OXR1: variants seen among roughly 807,000 people sequenced by gnomAD.
The protein encoded by OXR1 is oxidation resistance protein 1.
In OXR1, 41 loss-of-function variants were observed where a neutral mutation model predicts 104.6. The observed-to-expected ratio is 0.39, with a 90% CI of 0.31 to 0.51. OXR1 has a LOEUF of 0.51. Among genes scored for constraint, OXR1 ranks in the 20% least tolerant of loss-of-function variants. The pLI, the probability that OXR1 is intolerant of heterozygous loss-of-function variation, is 0.77. For synonymous variants in OXR1, 348 were observed against 348.4 expected (o/e 1.00, Z 0.01); for missense variants, 955 against 1,031.9 (o/e 0.93, Z 1.02).
intron 2 of OXR1, among the ~76,000 whole-genome samples, chr8:106,491,777 C>T (rs1214896317): frequency 1.3e-5 from 2 of 152,110 alleles, no homozygotes; most frequent in Non-Finnish European, 2.9e-5. Flanking sequence ...CATTTCTTTC[C>T]TGTAAAATGA....
intron 2 of OXR1, among the ~76,000 whole-genome samples, chr8:106,360,340 C>T (rs1242625881): frequency 6.6e-6 from 1 of 152,064 alleles, no homozygotes; most frequent in Non-Finnish European, 1.5e-5. Flanking sequence ...TATAAATTTA[C>T]AGTATTCAAT....
intron 3 of OXR1, among the ~76,000 whole-genome samples, chr8:106,624,372 C>G (rs941555511): frequency 6.6e-6 from 1 of 152,108 alleles, no homozygotes; most frequent in Non-Finnish European, 1.5e-5. Flanking sequence ...GCCTGGCTAA[C>G]GATGGGGGCA....
At chr8:106,581,999 G>A (rs1378251794) in intron 3 of OXR1, among the ~76,000 whole-genome samples, 1 of 137,542 alleles carries the variant, frequency 7.3e-6, no homozygotes, top group Non-Finnish European at 1.5e-5. Flanking sequence ...ACCACAGCCT[G>A]GGCAACAGAA....
At chr8:106,473,204 TCAGGATGGAACTTAATGG>T (rs1821612767) in intron 2 of OXR1, among the ~76,000 whole-genome samples, 1 of 151,786 alleles carries the variant, frequency 6.6e-6, no homozygotes, top group South Asian at 2.1e-4. Context: ...CAGCTCTAAG[TCAGGATGGAACTTAATGG>T]CACAGCACAA....
At chr8:106,693,021 G>C in intron 7 of OXR1, 144 bp downstream of exon 7, 1 of 504,492 alleles carries the variant, frequency 2.0e-6, no homozygotes, top group South Asian at 4.4e-5. Context: ...TATTATTTTG[G>C]GTTAGTATGG....
chr8:106,427,402 C>T (rs1452699436), intron 2 of OXR1, among the ~76,000 whole-genome samples: 5 of 152,098 alleles, frequency 3.3e-5, no homozygotes, highest in East Asian at 1.9e-4. Flanking sequence ...CTCCTGACCT[C>T]GTGATCTGCC....
At chr8:106,314,160 C>T (rs1190562980) in intron 1 of OXR1, among the ~76,000 whole-genome samples, 2 of 152,084 alleles carry the variant, frequency 1.3e-5, no homozygotes, top group Non-Finnish European at 2.9e-5. Context: ...TATATTAATC[C>T]AAGATTGCAG....
intron 3 of OXR1, among the ~76,000 whole-genome samples, chr8:106,608,243 T>C (rs1234892015): frequency 3.9e-5 from 6 of 152,106 alleles, no homozygotes; most frequent in Non-Finnish European, 2.9e-5. Context: ...TGAGCTATGA[T>C]TGCATCACTA....
chr8:106,727,460 C>T (rs937118188), intron 11 of OXR1, among the ~76,000 whole-genome samples: 3 of 151,874 alleles, frequency 2.0e-5, no homozygotes, highest in Non-Finnish European at 2.9e-5. Context: ...ACTTTGTCAC[C>T]CAGGTTGGAA....
At chr8:106,416,631 A>ATGTAAGAATTCAATT (rs1487545308) in intron 2 of OXR1, among the ~76,000 whole-genome samples, 2 of 152,060 alleles carry the variant, frequency 1.3e-5, no homozygotes, top group Non-Finnish European at 2.9e-5. Flanking sequence ...TGCACAGCAA[A>ATGTAAGAATTCAATT]TGTAAGAATT....
At chr8:106,340,842 G>A (rs1815216788) in intron 1 of OXR1, among the ~76,000 whole-genome samples, 1 of 149,310 alleles carries the variant, frequency 6.7e-6, no homozygotes. Context: ...ATAATTTTAG[G>A]AATCTCAAAC....
intron 1 of OXR1, among the ~76,000 whole-genome samples, chr8:106,277,104 AAAAT>A (rs1365185786): frequency 6.6e-6 from 1 of 152,226 alleles, no homozygotes; most frequent in Non-Finnish European, 1.5e-5. Context: ...TGTTCATTGT[AAAAT>A]AAATAATGTA....
intron 2 of OXR1, among the ~76,000 whole-genome samples, chr8:106,469,862 G>A (rs1399669912): frequency 6.6e-6 from 1 of 151,864 alleles, no homozygotes; most frequent in Admixed American, 6.6e-5. Context: ...CAGGTCTGTA[G>A]ACCTCATTGA....
At chr8:106,737,407 A>G (rs1359937084) in intron 11 of OXR1, 113 bp from the exon 12 acceptor site, 1 of 411,916 alleles carries the variant, frequency 2.4e-6, no homozygotes, top group Non-Finnish European at 4.2e-6. Flanking sequence ...AAGAAATCCT[A>G]ATTACAGTTC....
intron 1 of OXR1, among the ~76,000 whole-genome samples, chr8:106,332,106 A>T (rs74428170): frequency 0.024 from 3,630 of 150,696 alleles, 59 homozygotes; most frequent in Non-Finnish European, 0.036. Flanking sequence ...TAAGTGATAA[A>T]TTTTTTTGGA....
At chr8:106,297,588 A>AT (rs1193562567) in intron 1 of OXR1, among the ~76,000 whole-genome samples, 1 of 152,200 alleles carries the variant, frequency 6.6e-6, no homozygotes, top group Non-Finnish European at 1.5e-5. Context: ...AAATATTGCT[A>AT]AACATAGAAA....
intron 2 of OXR1, among the ~76,000 whole-genome samples, chr8:106,449,219 C>T (rs1333950345): frequency 6.6e-6 from 1 of 152,172 alleles, no homozygotes; most frequent in Non-Finnish European, 1.5e-5. Context: ...CCTCTGATCA[C>T]TTTTGACTCT....
At chr8:106,583,648 A>G (rs932995824) in intron 3 of OXR1, among the ~76,000 whole-genome samples, 1 of 152,218 alleles carries the variant, frequency 6.6e-6, no homozygotes, top group African/African-American at 2.4e-5. Context: ...AATTTAGCAG[A>G]CCCAAGAAAG....
At position 106,626,557 on chromosome 8, in the gene OXR1, AT is replaced by A. The variant is rs987273371; in HGVS notation, c.221-52644del. ...CTGAATTATTAAATCCATGTTGTAA[AT>A]TTTTTTTTACCTTAAAAGTAGCTCA... On this transcript the variant is annotated intron_variant, in intron 3 of 16. Transcript: ENST00000517566. 4.2e-5 allele frequency among the ~76,000 whole-genome samples: 6 copies of A among 142,368 alleles called. No individual in the cohort carries two copies. The East Asian group carries it at 6.1e-4, about 15-fold the overall frequency. The allele number at this position is 142,368 out of a possible 152,430, so 93.4% of individuals were successfully genotyped here. A position where few individuals can be genotyped will look rare whatever the true frequency, so the allele number is the denominator to read the frequency against.
Sources: allele counts gnomAD v4.1 joint callset (sites outside exome capture counted in the v4.1 genomes callset), GRCh38; gene constraint gnomAD v4.1.1; transcripts MANE v1.5; gene names NCBI Gene and HGNC (gene_info 2026-07-23, HGNC 2026-07-21).